GALNTL6: variants seen among roughly 807,000 people sequenced by gnomAD.
GALNTL6 encodes polypeptide N-acetylgalactosaminyltransferase-like 6.
Under a neutral mutation model 73.7 loss-of-function variants are expected in GALNTL6, and 46 were observed. The ratio of observed to expected loss-of-function variants is 0.62; its 90% CI spans 0.49 to 0.80. GALNTL6 has a LOEUF of 0.80. Ranked by LOEUF, GALNTL6 falls within the 30% of genes least tolerant of loss-of-function variation. The pLI is 0.00. For synonymous variants in GALNTL6, 259 were observed against 263.7 expected, an observed-to-expected ratio of 0.98 and a Z score of 0.17; for missense variants, 604 against 755.0, an observed-to-expected ratio of 0.80 and a Z score of 2.34.
At chr4:172,235,837 T>C (rs956345350) in intron 3 of GALNTL6, among the ~76,000 whole-genome samples, 1 of 152,080 alleles carries the variant, frequency 6.6e-6, no homozygotes, top group African/African-American at 2.4e-5. Context: ...TTCCCATCTT[T>C]TTGTCCAGGT....
chr4:172,839,516 A>G (rs533772595), intron 7 of GALNTL6, among the ~76,000 whole-genome samples: 1 of 152,330 alleles, frequency 6.6e-6, no homozygotes, highest in Admixed American at 6.5e-5. Flanking sequence ...GATAGTGAAA[A>G]GTGAGTGTGA....
At chr4:172,669,555 T>A (rs1426016385) in intron 5 of GALNTL6, among the ~76,000 whole-genome samples, 2 of 152,248 alleles carry the variant, frequency 1.3e-5, no homozygotes, top group Non-Finnish European at 2.9e-5. Context: ...TTGCTTTTTG[T>A]TATGGCCAAG....
intron 5 of GALNTL6, among the ~76,000 whole-genome samples, chr4:172,652,873 T>G (rs1255029189): frequency 6.6e-6 from 1 of 152,192 alleles, no homozygotes; most frequent in Non-Finnish European, 1.5e-5. Flanking sequence ...AATTATAAGT[T>G]TTTTTCTTGA....
intron 3 of GALNTL6, among the ~76,000 whole-genome samples, chr4:172,269,053 C>T (rs1653506305): frequency 6.6e-6 from 1 of 152,108 alleles, no homozygotes; most frequent in South Asian, 2.1e-4. Flanking sequence ...TTTTCTCCTC[C>T]AAGCAACAAC....
chr4:172,299,838 T>G (rs539209724), intron 3 of GALNTL6, among the ~76,000 whole-genome samples: 1 of 152,236 alleles, frequency 6.6e-6, no homozygotes, highest in African/African-American at 2.4e-5. Flanking sequence ...GAAGAATGTA[T>G]ATTCTGTTGA....
At chr4:172,638,086 A>G (rs555050491) in intron 5 of GALNTL6, among the ~76,000 whole-genome samples, 3 of 152,246 alleles carry the variant, frequency 2.0e-5, no homozygotes, top group South Asian at 2.1e-4. Context: ...CATGTCTCCC[A>G]TAGTCATTGT....
At chr4:171,992,558 T>A (rs564678598) in intron 2 of GALNTL6, among the ~76,000 whole-genome samples, 1 of 152,186 alleles carries the variant, frequency 6.6e-6, no homozygotes, top group East Asian at 1.9e-4. Context: ...AAACTGATAG[T>A]TGGGAAAATG....
At chr4:172,687,528 TG>T (rs1378959677) in intron 5 of GALNTL6, among the ~76,000 whole-genome samples, 1 of 147,974 alleles carries the variant, frequency 6.8e-6, no homozygotes, top group Non-Finnish European at 1.5e-5. Flanking sequence ...CTTGGGAGGC[TG>T]GGGAAGGAGA....
chr4:172,319,261 G>A (rs1175804901), intron 4 of GALNTL6, among the ~76,000 whole-genome samples: 3 of 152,138 alleles, frequency 2.0e-5, no homozygotes, highest in Non-Finnish European at 2.9e-5. Flanking sequence ...CCAAACAGTG[G>A]CATTAATAAA....
In GALNTL6 at chr4:172,224,901, C is replaced by A. The variant is rs564175868; in HGVS notation, c.139-4755C>A. On this transcript the variant is annotated intron_variant, in intron 2 of 12. Transcript: ENST00000506823. ...TGTTAGTTTCAATGGGCTCTGGGATCCCAGCCCTCACTACTACATGTGGTT... is the reference window on the plus strand; with the variant it reads ...TGTTAGTTTCAATGGGCTCTGGGATACCAGCCCTCACTACTACATGTGGTT... Among the ~76,000 whole-genome samples, 43 of 152,214 alleles carry A rather than the reference C, an allele frequency of 2.8e-4. No individual in the cohort carries two copies. The South Asian group carries it at 8.9e-3, about 32-fold the overall frequency.
At chr4:172,704,893 T>C (rs1388573495) in intron 5 of GALNTL6, among the ~76,000 whole-genome samples, 1 of 152,040 alleles carries the variant, frequency 6.6e-6, no homozygotes. Context: ...ATATTTATTA[T>C]TATATCTTCT....
At chr4:172,151,968 ATC>A (rs1203420299) in intron 2 of GALNTL6, among the ~76,000 whole-genome samples, 3 of 150,646 alleles carry the variant, frequency 2.0e-5, no homozygotes, top group Non-Finnish European at 4.4e-5. Context: ...CTATCTATCT[ATC>A]TATCTATCTA....
intron 5 of GALNTL6, among the ~76,000 whole-genome samples, chr4:172,711,061 A>G (rs546133980): frequency 6.6e-6 from 1 of 152,278 alleles, no homozygotes; most frequent in East Asian, 1.9e-4. Flanking sequence ...CAAATGTGTA[A>G]TATAAAAGAA....
chr4:172,399,702 A>T (rs1743971913), intron 5 of GALNTL6, among the ~76,000 whole-genome samples: 1 of 152,134 alleles, frequency 6.6e-6, no homozygotes, highest in Non-Finnish European at 1.5e-5. Context: ...TGATTTTGTT[A>T]TCCTGCTTTA....
At chr4:171,992,806 A>G (rs1280986505) in intron 2 of GALNTL6, among the ~76,000 whole-genome samples, 2 of 152,094 alleles carry the variant, frequency 1.3e-5, no homozygotes, top group Non-Finnish European at 2.9e-5. Flanking sequence ...CATTATAAAT[A>G]ATGACCTTTC....
chr4:172,216,933 G>C (rs1736515083), intron 2 of GALNTL6, among the ~76,000 whole-genome samples: 1 of 152,064 alleles, frequency 6.6e-6, no homozygotes, highest in Non-Finnish European at 1.5e-5. Context: ...TGGGGGAGGG[G>C]GGCTTCCAGG....
At chr4:172,371,891 C>T (rs1742826887) in intron 5 of GALNTL6, among the ~76,000 whole-genome samples, 1 of 152,146 alleles carries the variant, frequency 6.6e-6, no homozygotes, top group South Asian at 2.1e-4. Context: ...CCATAATTTC[C>T]TTGTGGTATT....
chr4:171,872,381 A>G (rs1279413761), intron 2 of GALNTL6, among the ~76,000 whole-genome samples: 1 of 152,186 alleles, frequency 6.6e-6, no homozygotes, highest in Non-Finnish European at 1.5e-5. Flanking sequence ...AATTTCTATG[A>G]AAATCGTTCC....
In GALNTL6 at chr4:172,813,407, G is replaced by T. The variant is rs1434425627; in HGVS notation, c.740-133G>T. 8.5e-6 allele frequency: 5 copies of T among 591,094 alleles called. No individual in the cohort carries two copies. In the Admixed American group the frequency reaches 1.5e-4, roughly 18 times the overall value. The allele number at this position is 591,094 out of a possible 1,614,324, so 36.6% of individuals were successfully genotyped here. On this transcript the variant is annotated intron_variant, in intron 6 of 12. Transcript: ENST00000506823. ...CAGAATTCAGAGATTCCTGAAAAGG[G>T]CTCTAAGGAGGACAGGGAGCCACGG...
Sources: gnomAD v4.1 joint callset for allele counts (sites outside exome capture counted in the v4.1 genomes callset) on GRCh38, gnomAD v4.1.1 for gene constraint, MANE v1.5 for transcripts, NCBI Gene and HGNC (gene_info 2026-07-23, HGNC 2026-07-21) for gene names.